Variants in KCNN3 observed in about 807,000 individuals in gnomAD.
KCNN3 encodes the protein potassium calcium-activated channel subfamily N member 3.
Under a neutral mutation model 62.9 loss-of-function variants are expected in KCNN3, and 16 were observed. That is an observed-to-expected ratio of 0.25 (90% CI 0.17 to 0.39). KCNN3 has a LOEUF of 0.39. Among genes scored for constraint, KCNN3 ranks in the 10% least tolerant of loss-of-function variants. The pLI, the probability that KCNN3 is intolerant of heterozygous loss-of-function variation, is 1.00. For missense variants in KCNN3, 599 were observed against 949.4 expected, an observed-to-expected ratio of 0.63 and a Z score of 4.85; for synonymous variants, 370 against 389.2, an observed-to-expected ratio of 0.95 and a Z score of 0.58.
At chr1:154,739,392 C>A (rs545924911) in intron 3 of KCNN3, among the ~76,000 whole-genome samples, 58 of 152,316 alleles carry the variant, frequency 3.8e-4, no homozygotes, top group African/African-American at 1.3e-3. Context: ...TAGTGCCCCC[C>A]ACCCCAGGAT....
At chr1:154,850,130 C>G (rs1652246016) in intron 1 of KCNN3, among the ~76,000 whole-genome samples, 2 of 152,216 alleles carry the variant, frequency 1.3e-5, no homozygotes. Flanking sequence ...CACCATCTCC[C>G]TCCACTCTAG....
chr1:154,851,272 C>G (rs928970184), intron 1 of KCNN3, among the ~76,000 whole-genome samples: 2 of 152,126 alleles, frequency 1.3e-5, no homozygotes, highest in Non-Finnish European at 2.9e-5. Flanking sequence ...CCACCGTGCC[C>G]GGCCAAATTT....
rs956268492 is a variant in KCNN3 at position 154,772,838 on chromosome 1, G to A, written c.1030-445C>T. Among the ~76,000 whole-genome samples, 1 of 152,094 alleles carries A rather than the reference G, an allele frequency of 6.6e-6. No individual in the cohort carries two copies. Among genetic ancestry groups the A allele is most frequent in the Non-Finnish European group, 1.5e-5 (1 of 68,016 alleles). On this transcript the variant is annotated intron_variant, in intron 2 of 7. Transcript: ENST00000271915. This position sits in a 1 kb window ranked among gnomAD's most constrained non-coding sequence, Gnocchi z 5.6. Reference sequence around the variant, plus strand: ...GGCCTCAGGATGGCGCTGGTTGCCAGGGGAACCAATCTGGTGATGAGAGGG... The same window carrying A: ...GGCCTCAGGATGGCGCTGGTTGCCAAGGGAACCAATCTGGTGATGAGAGGG...
At chr1:154,768,311 G>A (rs1264748464) in intron 3 of KCNN3, among the ~76,000 whole-genome samples, 1 of 152,210 alleles carries the variant, frequency 6.6e-6, no homozygotes, top group East Asian at 1.9e-4. Context: ...TTGACATTGG[G>A]AAACAGAATG....
At chr1:154,708,372 C>G (rs1190501418) in intron 7 of KCNN3, 100 bp from the exon 8 acceptor site, 4 of 1,171,502 alleles carry the variant, frequency 3.4e-6, no homozygotes, top group Non-Finnish European at 5.1e-6. Flanking sequence ...ATGACAGGAG[C>G]CACTTCCACA....
intron 7 of KCNN3, among the ~76,000 whole-genome samples, chr1:154,710,408 C>T (rs970269132): frequency 2.1e-4 from 32 of 152,162 alleles, no homozygotes; most frequent in South Asian, 8.3e-4. Context: ...AAAGACTGGG[C>T]GAATGTCAGA....
intron 2 of KCNN3, among the ~76,000 whole-genome samples, chr1:154,788,906 A>G (rs1268677102): frequency 6.6e-6 from 1 of 152,218 alleles, no homozygotes; most frequent in African/African-American, 2.4e-5. Flanking sequence ...ATTAAGTGAC[A>G]TGCCCAAGGT....
At chr1:154,735,543 G>A (rs1435763461) in intron 3 of KCNN3, among the ~76,000 whole-genome samples, 1 of 152,144 alleles carries the variant, frequency 6.6e-6, no homozygotes, top group Non-Finnish European at 1.5e-5. Flanking sequence ...TGGCTGCGTG[G>A]GCCTCATTTC....
chr1:154,778,693 C>T (rs1168524292), intron 2 of KCNN3, among the ~76,000 whole-genome samples: 1 of 150,076 alleles, frequency 6.7e-6, no homozygotes, highest in Non-Finnish European at 1.5e-5. Context: ...CATCTGCCTC[C>T]CGGGTTCAAG....
chr1:154,769,188 G>A lies in KCNN3; in HGVS notation c.1448+2787C>T, dbSNP rs186845412. Among the ~76,000 whole-genome samples, 51 of 152,238 alleles carry A rather than the reference G, an allele frequency of 3.4e-4. No homozygotes were observed. In the East Asian group the frequency reaches 9.3e-3, roughly 28 times the overall value. On this transcript the variant is annotated intron_variant, in intron 3 of 7. Coordinates refer to ENST00000271915, the MANE Select transcript of KCNN3 (RefSeq NM_002249.6). ...CAGGACCCGGGCTCTCCTTCCCTCA[G>A]GCAAGGTACCTCTCTCATAGATCTA...
intron 3 of KCNN3, among the ~76,000 whole-genome samples, chr1:154,745,512 C>G (rs1700920091): frequency 6.6e-6 from 1 of 152,328 alleles, no homozygotes; most frequent in East Asian, 1.9e-4. Flanking sequence ...CTCTGCAGGC[C>G]TCAGCGGGGA....
Position 154,794,855 on chromosome 1 carries a change from G to A in KCNN3, c.1030-22462C>T, listed in dbSNP as rs955779001. Among the ~76,000 whole-genome samples the A allele has an allele frequency of 2.6e-5, 4 of 152,254 alleles. No homozygotes were observed. The East Asian group carries it at 5.8e-4, about 22-fold the overall frequency. On this transcript the variant is annotated intron_variant, in intron 2 of 7. Coordinates refer to ENST00000271915, the MANE Select transcript of KCNN3 (RefSeq NM_002249.6). The stretch of plus-strand genomic sequence containing the variant: ...GGATGCAGCATGGGAACCCAGTAGC[G>A]AGCCTGTCACACATTGACCAGGCAT...
At chr1:154,866,911 C>T (rs1652976844) in intron 1 of KCNN3, among the ~76,000 whole-genome samples, 2 of 152,200 alleles carry the variant, frequency 1.3e-5, no homozygotes, top group Admixed American at 6.5e-5. Flanking sequence ...CTGCCCCAGG[C>T]AGGGAAGAGG....
chr1:154,759,394 G>T (rs1173544455), intron 3 of KCNN3, among the ~76,000 whole-genome samples: 9 of 152,358 alleles, frequency 5.9e-5, no homozygotes. Context: ...AAAGTTGAAG[G>T]ATGGAAAAGC....
chr1:154,738,131 A>G lies in KCNN3; in HGVS notation c.1449-4987T>C, dbSNP rs79189190. On this transcript the variant is annotated intron_variant, in intron 3 of 7. Coordinates refer to ENST00000271915, the MANE Select transcript of KCNN3 (RefSeq NM_002249.6). ...AGATCAAAGGCTCACTGTCCCCAGCACAGTGGATGAAAATAGATGCACACC... is the reference window on the plus strand; with the variant it reads ...AGATCAAAGGCTCACTGTCCCCAGCGCAGTGGATGAAAATAGATGCACACC... Among the ~76,000 whole-genome samples the G allele has an allele frequency of 7.0e-3, 1,067 of 152,332 alleles. 9 individuals are homozygous for G. The highest frequency in any genetic ancestry group is 0.024 in the African/African-American group (993 of 41,570).
intron 3 of KCNN3, among the ~76,000 whole-genome samples, chr1:154,765,870 C>T (rs1455503781): frequency 6.6e-6 from 1 of 151,924 alleles, no homozygotes; most frequent in Non-Finnish European, 1.5e-5. Flanking sequence ...TGGTCTCCAA[C>T]TCCTGACCTC....
chr1:154,794,600 T>A (rs1649648176), intron 2 of KCNN3, among the ~76,000 whole-genome samples: 1 of 152,228 alleles, frequency 6.6e-6, no homozygotes, highest in African/African-American at 2.4e-5. Flanking sequence ...CTGGTCTCCC[T>A]TTGAATTAGT....
chr1:154,726,057 G>A, intron 4 of KCNN3, 31 bp from the exon 5 acceptor site: 1 of 1,525,432 alleles, frequency 6.6e-7, no homozygotes, highest in Non-Finnish European at 9.1e-7. Flanking sequence ...GACCAGAGGG[G>A]AAAGAACATA....
rs1185579003 is a variant in KCNN3 at position 154,697,840 on chromosome 1, T to C, written c.*10136A>G. The C allele has an allele frequency of 2.0e-5, 3 of 152,232 alleles. No homozygotes were observed. Among genetic ancestry groups the C allele is most frequent in the Non-Finnish European group, 4.4e-5 (3 of 68,046 alleles). 9.4% of individuals were successfully genotyped at this position (152,232 alleles called of 1,614,324 possible). On this transcript the variant is annotated 3_prime_UTR_variant, in exon 8 of 8. Coordinates refer to ENST00000271915, the MANE Select transcript of KCNN3 (RefSeq NM_002249.6). ...TGCTGAGAAATCCTAGCCTGTTTTTTCCATTTAATTCCTGTAGATGAGTCA... is the reference window on the plus strand; with the variant it reads ...TGCTGAGAAATCCTAGCCTGTTTTTCCCATTTAATTCCTGTAGATGAGTCA...
Sources: gnomAD v4.1 joint callset for allele counts (sites outside exome capture counted in the v4.1 genomes callset) on GRCh38, gnomAD v4.1.1 for gene constraint, Gnocchi (gnomAD v3.1) non-coding constraint, MANE v1.5 for transcripts, NCBI Gene and HGNC (gene_info 2026-07-23, HGNC 2026-07-21) for gene names.